Variants in ACKR5 observed in about 807,000 individuals in gnomAD.
ACKR5 encodes the protein G protein-coupled receptor 182.
At chr12:56,995,369 G>A in the ACKR5 span, 275 of 1,614,190 alleles carry the variant, frequency 1.7e-4, no homozygotes, top group African/African-American at 2.8e-3. This position sits in a 1 kb window ranked among gnomAD's most constrained non-coding sequence, Gnocchi z 4.7. Flanking sequence ...CACCAAGCGC[G>A]TGGTCCTCTT....
chr12:56,995,290 C>T, the ACKR5 span: 12 of 1,614,072 alleles, frequency 7.4e-6, no homozygotes, highest in African/African-American at 2.7e-5. The surrounding 1 kb of genome is among the most constrained non-coding windows in gnomAD (Gnocchi z 4.7). Context: ...GAGAGATCCA[C>T]AACTGGACCG....
the ACKR5 span, chr12:56,997,221 G>A: frequency 6.6e-6 from 1 of 152,274 alleles, no homozygotes; most frequent in Admixed American, 6.6e-5. Flanking sequence ...AGACTTCTAG[G>A]GAGACACAGA....
At chr12:56,995,853 C>T in the ACKR5 span, 4 of 1,613,306 alleles carry the variant, frequency 2.5e-6, no homozygotes, top group South Asian at 3.3e-5. This position sits in a 1 kb window ranked among gnomAD's most constrained non-coding sequence, Gnocchi z 4.7. Context: ...AGCACCTGGG[C>T]CCTGGCGGTG....
chr12:56,995,779 C>A, the ACKR5 span: 1 of 1,614,136 alleles, frequency 6.2e-7, no homozygotes. This position sits in a 1 kb window ranked among gnomAD's most constrained non-coding sequence, Gnocchi z 4.7. Flanking sequence ...CTGAGGTGGT[C>A]CACATCCAGC....
At chr12:56,995,332 T>A in the ACKR5 span, 1 of 1,614,246 alleles carries the variant, frequency 6.2e-7, no homozygotes, top group Non-Finnish European at 8.5e-7. The surrounding 1 kb of genome is among the most constrained non-coding windows in gnomAD (Gnocchi z 4.7). Flanking sequence ...ACACTTTGTC[T>A]GAGTGCCACG....
chr12:56,995,123 TG>T, the ACKR5 span: 1 of 1,246,116 alleles, frequency 8.0e-7, no homozygotes, highest in Non-Finnish European at 1.1e-6. The surrounding 1 kb of genome is among the most constrained non-coding windows in gnomAD (Gnocchi z 4.7). Flanking sequence ...CGACTCCCTC[TG>T]GCCTCTACCT....
At chr12:56,995,810 A>G in the ACKR5 span, 1 of 1,614,132 alleles carries the variant, frequency 6.2e-7, no homozygotes, top group Admixed American at 1.7e-5. The surrounding 1 kb of genome is among the most constrained non-coding windows in gnomAD (Gnocchi z 4.7). Flanking sequence ...CCCTGAGCCC[A>G]TGTGCCTCTT....
At chr12:56,996,252 C>T in the ACKR5 span, 4 of 1,614,152 alleles carry the variant, frequency 2.5e-6, no homozygotes, top group Non-Finnish European at 2.5e-6. Context: ...AAGGCGGGCA[C>T]ATGCGCCTCC....
chr12:56,995,717 C>T, the ACKR5 span: 13 of 1,613,472 alleles, frequency 8.1e-6, no homozygotes, highest in African/African-American at 1.3e-5. The surrounding 1 kb of genome is among the most constrained non-coding windows in gnomAD (Gnocchi z 4.7). Flanking sequence ...GCACCGAGTG[C>T]GGCGGGCCAT....
chr12:56,995,937 G>C, the ACKR5 span: 1 of 1,612,408 alleles, frequency 6.2e-7, no homozygotes, highest in Non-Finnish European at 8.5e-7. This position sits in a 1 kb window ranked among gnomAD's most constrained non-coding sequence, Gnocchi z 4.7. Context: ...CTGACAGCCT[G>C]CCGGCTGCGG....
chr12:56,996,342 A>G, the ACKR5 span: 1 of 1,614,086 alleles, frequency 6.2e-7, no homozygotes, highest in African/African-American at 1.3e-5. Context: ...CCCCACCCTG[A>G]GCCAAGCCTG....
the ACKR5 span, among the ~76,000 whole-genome samples, chr12:56,994,900 G>A: frequency 2.0e-5 from 3 of 150,468 alleles, no homozygotes; most frequent in African/African-American, 7.3e-5. Flanking sequence ...GGGTGTGGGG[G>A]GATTGAGGGG....
chr12:56,996,556 G>A, the ACKR5 span: 6 of 761,104 alleles, frequency 7.9e-6, no homozygotes, highest in Admixed American at 1.8e-4. Flanking sequence ...AAATACTGAG[G>A]TGTGGAGAGA....
chr12:56,995,373 T>C, the ACKR5 span: 1 of 1,614,208 alleles, frequency 6.2e-7, no homozygotes, highest in East Asian at 2.2e-5. This position sits in a 1 kb window ranked among gnomAD's most constrained non-coding sequence, Gnocchi z 4.7. Context: ...AAGCGCGTGG[T>C]CCTCTTTGCC....
the ACKR5 span, chr12:56,996,000 T>G: frequency 6.2e-7 from 1 of 1,610,282 alleles, no homozygotes; most frequent in Non-Finnish European, 8.5e-7. The surrounding 1 kb of genome is among the most constrained non-coding windows in gnomAD (Gnocchi z 4.7). Flanking sequence ...TGCGCCTACG[T>G]GGCCGTCTTT....
At chr12:56,997,833 T>C in the ACKR5 span, 2 of 152,210 alleles carry the variant, frequency 1.3e-5, no homozygotes, top group Admixed American at 6.5e-5. Context: ...TCAGAACTGT[T>C]CTGTGGATGC....
chr12:56,996,256 C>A, the ACKR5 span: 1 of 1,614,156 alleles, frequency 6.2e-7, no homozygotes, highest in African/African-American at 1.3e-5. Context: ...CGGGCACATG[C>A]GCCTCCTCTT....
At chr12:56,995,605 CTACTTT>C in the ACKR5 span, 1 of 1,614,164 alleles carries the variant, frequency 6.2e-7, no homozygotes. The surrounding 1 kb of genome is among the most constrained non-coding windows in gnomAD (Gnocchi z 4.7). Context: ...CTCACTACTT[CTACTTT>C]GTCAACATGT....
the ACKR5 span, chr12:56,995,085 T>C: frequency 6.3e-6 from 5 of 789,630 alleles, no homozygotes; most frequent in East Asian, 2.4e-5. The surrounding 1 kb of genome is among the most constrained non-coding windows in gnomAD (Gnocchi z 4.7). Context: ...TTTCTTGCCT[T>C]AGCCCCAGAA....
Sources: gnomAD v4.1 joint callset for allele counts (sites outside exome capture counted in the v4.1 genomes callset) on GRCh38, gnomAD v4.1.1 for gene constraint, Gnocchi (gnomAD v3.1) non-coding constraint, MANE v1.5 for transcripts, NCBI Gene and HGNC (gene_info 2026-07-23, HGNC 2026-07-21) for gene names.